Variants in PUM3 observed in about 807,000 individuals in gnomAD.
PUM3 encodes the protein pumilio homolog 3.
Under a neutral mutation model 84.0 loss-of-function variants are expected in PUM3, and 91 were observed. That is an observed-to-expected ratio of 1.08 (90% CI 0.91 to 1.29). The LOEUF (loss-of-function observed/expected upper bound fraction) is 1.29, where lower values mean the gene tolerates loss of function less well. Ranked by LOEUF, PUM3 falls within the 50% of genes most tolerant of loss-of-function variation. The pLI, the probability that PUM3 is intolerant of heterozygous loss-of-function variation, is 0.00. For missense variants in PUM3, 1,067 were observed against 767.5 expected (o/e 1.39, Z -4.61); for synonymous variants, 321 against 266.7 (o/e 1.20, Z -1.98).
intron 17 of PUM3, among the ~76,000 whole-genome samples, chr9:2,806,686 T>A (rs2129778963): frequency 6.6e-6 from 1 of 152,328 alleles, no homozygotes; most frequent in East Asian, 1.9e-4. Context: ...TGTGGATTGA[T>A]TATAAACTCA....
At position 2,804,301 on chromosome 9, in the gene PUM3, T is replaced by A; in HGVS notation, c.*30A>T. ...GAAACAGAACAGAGAACAGAAAAAA[T>A]CATTCCATCTTGCTCTTAACTCTTT... is the stretch of plus-strand genomic sequence containing the variant. On this transcript the variant is annotated 3_prime_UTR_variant, in exon 18 of 18. Transcript: ENST00000397885. The A allele has an allele frequency of 6.2e-7, 1 of 1,603,376 alleles. No individual in the cohort carries two copies. The highest frequency in any genetic ancestry group is 8.5e-7 in the Non-Finnish European group (1 of 1,175,540).
chr9:2,804,854 T>C (rs754638191), intron 17 of PUM3, among the ~76,000 whole-genome samples: 1 of 152,206 alleles, frequency 6.6e-6, no homozygotes. Flanking sequence ...TATTTCATGA[T>C]GCTACATTTA....
rs1403100416 is a variant in PUM3 at position 2,827,097 on chromosome 9, G to C, written c.1011C>G (p.Thr337=). ...LVHKVFLDFF[T]YAPPKLRSEM... ...CTGATCTGAGTTTGGGGGGTGCATA[G>C]GTAAAAAAGTCCAAGAATACTTTAT... Residue 337 remains threonine (T), a synonymous_variant, in exon 10 of 18, where the codon ACC becomes ACG. Transcript: ENST00000397885. The C allele has an allele frequency of 4.4e-6, 7 of 1,608,888 alleles. No individual in the cohort carries two copies. Among genetic ancestry groups the C allele is most frequent in the African/African-American group, 4.0e-5 (3 of 74,594 alleles).
At chr9:2,820,978 T>C (rs746987829) in intron 12 of PUM3, among the ~76,000 whole-genome samples, 6 of 152,174 alleles carry the variant, frequency 3.9e-5, no homozygotes, top group African/African-American at 1.2e-4. Flanking sequence ...CAAACTCTGA[T>C]AGGAATTTGA....
intron 1 of PUM3, among the ~76,000 whole-genome samples, chr9:2,842,772 C>G (rs116883240): frequency 2.6e-5 from 4 of 152,218 alleles, no homozygotes; most frequent in Non-Finnish European, 5.9e-5. Flanking sequence ...CTAACAGGAA[C>G]CTTACCCTTA....
chr9:2,840,837 G>C (rs987319958), intron 1 of PUM3, among the ~76,000 whole-genome samples: 1 of 152,156 alleles, frequency 6.6e-6, no homozygotes, highest in South Asian at 2.1e-4. Flanking sequence ...ACTTCTCCAA[G>C]GAATCCTGGT....
intron 13 of PUM3, 137 bp from the exon 14 acceptor site, chr9:2,812,499 T>C: frequency 1.6e-6 from 1 of 626,112 alleles, no homozygotes; most frequent in Non-Finnish European, 2.7e-6. Context: ...ATAGTATATG[T>C]GCTGCCAAAG....
Position 2,812,265 on chromosome 9 carries a change from C to A in PUM3, c.1367G>T (p.Arg456Leu). The change falls in exon 14 of 18, where the codon CGA (arginine) becomes CTA (leucine). Residue 456 changes from arginine (R) to leucine (L), a missense_variant. Arg to Leu is a moderately radical substitution (Grantham distance 102). Transcript: ENST00000397885. ...LSPRDPAHTV[R>L]EIIEVLQKGD... ...TTTTTGCAGAACTTCAATGATTTCT[C>A]GTACTGTATGTGCAGGATCTCTGGG... 1 of 1,613,458 alleles carries A rather than the reference C, an allele frequency of 6.2e-7. No homozygotes were observed. Among genetic ancestry groups the A allele is most frequent in the Non-Finnish European group, 8.5e-7 (1 of 1,179,514 alleles).
intron 1 of PUM3, among the ~76,000 whole-genome samples, chr9:2,841,625 T>C (rs919559699): frequency 6.6e-6 from 1 of 151,662 alleles, no homozygotes; most frequent in Non-Finnish European, 1.5e-5. Flanking sequence ...TTGGAGAATA[T>C]ATGGACATCC....
In PUM3 at chr9:2,807,927, G is replaced by A. The variant is rs118073593; in HGVS notation, c.1724-23C>T. The A allele has an allele frequency of 4.1e-6, 6 of 1,449,666 alleles. No individual in the cohort carries two copies. The South Asian group carries it at 5.7e-5, about 14-fold the overall frequency. The allele number at this position is 1,449,666 out of a possible 1,614,324, so 89.8% of individuals were successfully genotyped here. The stretch of plus-strand genomic sequence containing the variant: ...AACCTGTAAAATATACTGAAGCTTA[G>A]TGAACATCACATAATAAGATATATA... On this transcript the variant is annotated intron_variant, in intron 16 of 17. Coordinates refer to ENST00000397885, the MANE Select transcript of PUM3 (RefSeq NM_014878.5).
intron 10 of PUM3, among the ~76,000 whole-genome samples, chr9:2,825,877 A>G (rs1815805634): frequency 6.6e-6 from 1 of 152,210 alleles, no homozygotes; most frequent in African/African-American, 2.4e-5. Context: ...TTAAAAATGT[A>G]CATTAAATAA....
At chr9:2,833,898 G>A (rs1303284713) in intron 4 of PUM3, 133 bp downstream of exon 4, 11 of 781,382 alleles carry the variant, frequency 1.4e-5, no homozygotes, top group Middle Eastern at 2.4e-4. Context: ...TGTCTCTAAT[G>A]GGGTGTCATG....
At chr9:2,804,923 G>A (rs1026317129) in intron 17 of PUM3, among the ~76,000 whole-genome samples, 24 of 152,176 alleles carry the variant, frequency 1.6e-4, no homozygotes, top group Admixed American at 1.5e-3. Flanking sequence ...GTGAACAGAG[G>A]CACAGAGAGG....
intron 1 of PUM3, among the ~76,000 whole-genome samples, chr9:2,843,666 C>A (rs1471790254): frequency 6.6e-6 from 1 of 150,742 alleles, no homozygotes; most frequent in Non-Finnish European, 1.5e-5. Context: ...GCAAGCTCCG[C>A]CTCCCGGGTT....
intron 10 of PUM3, among the ~76,000 whole-genome samples, chr9:2,825,046 C>T (rs901036154): frequency 6.6e-6 from 1 of 152,078 alleles, no homozygotes; most frequent in Non-Finnish European, 1.5e-5. Flanking sequence ...CTATTAAAAA[C>T]AATACCTGAC....
In PUM3 at chr9:2,827,078, T is replaced by C. The variant is rs1479056479; in HGVS notation, c.1030A>G (p.Arg344Gly). 36 of 1,606,284 alleles carry C rather than the reference T, an allele frequency of 2.2e-5. No individual in the cohort carries two copies. The highest frequency in any genetic ancestry group is 2.8e-5 in the Non-Finnish European group (33 of 1,177,166). The change falls in exon 10 of 18, where the codon AGA becomes GGA. Residue 344 changes from arginine to glycine, a missense_variant. Transcript: ENST00000397885. ...AACAAAAACCAAGAACTTACTGATCTGAGTTTGGGGGGTGCATAGGTAAAA... is the reference window on the plus strand; with the variant it reads ...AACAAAAACCAAGAACTTACTGATCCGAGTTTGGGGGGTGCATAGGTAAAA... ...DFFTYAPPKL[R>G]SEMIEAIREA...
rs1040732689 is a variant in PUM3, at chr9:2,837,070, C to A, written c.304+110G>T. ...GTTTATTTAAGCCACCTACCTGTCC[C>A]AAAATGTTACCTGCCAAGGAATAAG... On this transcript the variant is annotated intron_variant, in intron 3 of 17. Transcript: ENST00000397885. The A allele has an allele frequency of 6.4e-6, 6 of 931,490 alleles. No individual in the cohort carries two copies. The African/African-American group carries it at 9.9e-5, about 15-fold the overall frequency. 57.7% of individuals were successfully genotyped at this position (931,490 alleles called of 1,614,324 possible). A position where few individuals can be genotyped will look rare whatever the true frequency, so the allele number is the denominator to read the frequency against.
chr9:2,822,780 ATGAAT>A (rs1815690104), intron 12 of PUM3, among the ~76,000 whole-genome samples: 1 of 148,906 alleles, frequency 6.7e-6, no homozygotes, highest in African/African-American at 2.4e-5. Context: ...TATTATAATT[ATGAAT>A]TATGAAATAT....
At position 2,823,830 on chromosome 9, in the gene PUM3, C is replaced by T. The variant is rs1345783357; in HGVS notation, c.1139G>A (p.Arg380Lys). 6.5e-7 allele frequency: 1 copy of T among 1,528,356 alleles called. No individual in the cohort carries two copies. The highest frequency in any genetic ancestry group is 8.9e-7 in the Non-Finnish European group (1 of 1,121,350). 94.7% of individuals were successfully genotyped at this position (1,528,356 alleles called of 1,614,324 possible). A position where few individuals can be genotyped will look rare whatever the true frequency, so the allele number is the denominator to read the frequency against. Residue 380 changes from arginine (R) to lysine (K), a missense_variant, in exon 12 of 18, where the codon AGG becomes AAG. Coordinates refer to ENST00000397885, the MANE Select transcript of PUM3 (RefSeq NM_014878.5). ...HCLWHGTPKD[R>K]KVIVKTMKTY... ...CTTCATTGTTTTCACAATCACTTTC[C>T]TGTCCTTAAAAAGGAAAGATTGTCT...
Sources: gnomAD v4.1 joint callset for allele counts (sites outside exome capture counted in the v4.1 genomes callset) on GRCh38, gnomAD v4.1.1 for gene constraint, MANE v1.5 for transcripts, NCBI Gene and HGNC (gene_info 2026-07-23, HGNC 2026-07-21) for gene names.